The following MYH11 variants were observed in gnomAD, a reference collection of about 807,000 sequenced individuals.
MYH11 encodes the protein myosin-11.
Under a neutral mutation model 246.6 loss-of-function variants are expected in MYH11, and 80 were observed. That is an observed-to-expected ratio of 0.32 (90% CI 0.27 to 0.39). The LOEUF (loss-of-function observed/expected upper bound fraction) is 0.39. Ranked by LOEUF, MYH11 falls within the 10% of genes least tolerant of loss-of-function variation. The pLI is 1.00. For synonymous variants in MYH11, 1,071 were observed against 1,015.5 expected (o/e 1.05, Z -1.04); for missense variants, 2,158 against 2,546.8 (o/e 0.85, Z 3.29).
intron 9 of MYH11, among the ~76,000 whole-genome samples, chr16:15,765,470 T>TGATG (rs1261651285): frequency 1.3e-5 from 2 of 151,546 alleles, no homozygotes; most frequent in East Asian, 3.9e-4. Context: ...GATGGACAGA[T>TGATG]GATGGATGGA....
At position 15,721,588 on chromosome 16, in the gene MYH11, C is replaced by T. The variant is rs2040487068; in HGVS notation, c.4412G>A (p.Arg1471Lys). Reference protein sequence around the residue: ...KNISSKYADERDRAEAEAREK... With the variant: ...KNISSKYADEKDRAEAEAREK... ...CCTGGCTTCTGCCTCAGCTCTGTCC[C>T]TCTCATCCGCGTATTTGGAAGAGAT... is the stretch of plus-strand genomic sequence containing the variant. Residue 1471 changes from arginine (R) to lysine (K), a missense_variant, in exon 32 of 41, where the codon AGG (arginine) becomes AAG (lysine). This residue lies in a region of MYH11 where 1,013 missense variants were observed against 993.5 expected (regional missense o/e 1.02). Coordinates refer to ENST00000300036, the MANE Select transcript of MYH11 (RefSeq NM_002474.3). 3.7e-6 allele frequency: 6 copies of T among 1,614,204 alleles called. No individual in the cohort carries two copies. The highest frequency in any genetic ancestry group is 5.1e-6 in the Non-Finnish European group (6 of 1,180,040).
chr16:15,725,575 T>G (rs1022285412), intron 28 of MYH11: 1 of 406,978 alleles, frequency 2.5e-6, no homozygotes, highest in Non-Finnish European at 4.3e-6. Flanking sequence ...GCTGTTAGCC[T>G]ACCCCTCCAT....
intron 34 of MYH11, 49 bp from the exon 35 acceptor site, chr16:15,719,762 A>C (rs571455140): frequency 3.1e-6 from 5 of 1,612,882 alleles, no homozygotes; most frequent in Middle Eastern, 1.7e-4. Context: ...TACTCCCCCA[A>C]GTTCTGCTGC....
At position 15,747,609 on chromosome 16, in the gene MYH11, A is replaced by G. The variant is rs924500062; in HGVS notation, c.2372T>C (p.Met791Thr). The change falls in exon 19 of 41, where the codon ATG (methionine) becomes ACG (threonine). Residue 791 changes from methionine (M) to threonine (T), a missense_variant. This residue lies in a region of MYH11 where 90 missense variants were observed against 144.2 expected (regional missense o/e 0.62). Coordinates refer to ENST00000300036, the MANE Select transcript of MYH11 (RefSeq NM_002474.3). ...GCCACGACACATCGCCTGGAAGGCC[A>G]TGATGACATCGGTGATCTTCAAATC... is the stretch of plus-strand genomic sequence containing the variant. ...ERDLKITDVI[M>T]AFQAMCRGYL... 6.2e-7 allele frequency: 1 copy of G among 1,614,156 alleles called. No individual in the cohort carries two copies. Among genetic ancestry groups the G allele is most frequent in the Non-Finnish European group, 8.5e-7 (1 of 1,180,016 alleles).
chr16:15,709,016 C>G (rs931389393), intron 40 of MYH11, among the ~76,000 whole-genome samples: 1 of 151,884 alleles, frequency 6.6e-6, no homozygotes, highest in Non-Finnish European at 1.5e-5. Context: ...GATCTTGGCT[C>G]ACTGCAACCT....
intron 22 of MYH11, among the ~76,000 whole-genome samples, chr16:15,740,920 T>C (rs2041255688): frequency 6.6e-6 from 1 of 152,144 alleles, no homozygotes; most frequent in Non-Finnish European, 1.5e-5. Flanking sequence ...TGCTGCCATA[T>C]TGGAAGGACA....
At chr16:15,741,060 C>T in intron 22 of MYH11, 1 of 352,884 alleles carries the variant, frequency 2.8e-6, no homozygotes, top group Non-Finnish European at 5.5e-6. Context: ...GCAGCCTCAG[C>T]CAACACCTTG....
At chr16:15,856,596 A>G (rs2044477378) in intron 1 of MYH11, among the ~76,000 whole-genome samples, 1 of 150,494 alleles carries the variant, frequency 6.6e-6, no homozygotes, top group South Asian at 2.1e-4. Context: ...TTAGCCTCTT[A>G]ACAAGAATCA....
chr16:15,810,610 C>T (rs897166914), intron 3 of MYH11, among the ~76,000 whole-genome samples: 2 of 152,158 alleles, frequency 1.3e-5, no homozygotes, highest in African/African-American at 4.8e-5. Context: ...AAGCATTTGG[C>T]TGTACCCCTT....
In MYH11 at chr16:15,721,642, A is replaced by C; in HGVS notation, c.4366-8T>G. The C allele has an allele frequency of 6.2e-7, 1 of 1,614,052 alleles. No homozygotes were observed. The highest frequency in any genetic ancestry group is 8.5e-7 in the Non-Finnish European group (1 of 1,179,976). On this transcript the variant is annotated splice_region_variant and splice_polypyrimidine_tract_variant and intron_variant, in intron 31 of 40. Coordinates refer to ENST00000300036, the MANE Select transcript of MYH11 (RefSeq NM_002474.3). ...TTTCTCCTCGGCTAACAACTACAAC[A>C]CAAGACCCAGAGGTGACTTCTAGGC...
chr16:15,721,198 A>G, intron 32 of MYH11, 147 bp from the exon 33 acceptor site: 1 of 994,600 alleles, frequency 1.0e-6, no homozygotes, highest in Non-Finnish European at 1.5e-6. Flanking sequence ...ATGACCCCTG[A>G]GAGTTCAGAC....
chr16:15,815,388 G>T (rs1449834745), intron 3 of MYH11, among the ~76,000 whole-genome samples: 2 of 152,030 alleles, frequency 1.3e-5, no homozygotes, highest in Non-Finnish European at 2.9e-5. Flanking sequence ...AAATAAAATA[G>T]AATTTTTGGA....
At chr16:15,731,272 C>T (rs116416556) in intron 27 of MYH11, among the ~76,000 whole-genome samples, 1 of 152,274 alleles carries the variant, frequency 6.6e-6, no homozygotes, top group East Asian at 1.9e-4. Flanking sequence ...GGCCTTCAGT[C>T]CTGTAGAGGC....
intron 4 of MYH11, among the ~76,000 whole-genome samples, chr16:15,787,555 T>C (rs1260132956): frequency 7.0e-6 from 1 of 143,048 alleles, no homozygotes; most frequent in Non-Finnish European, 1.5e-5. Flanking sequence ...CAATTTCAGC[T>C]CACTGCAAGC....
chr16:15,757,733 T>C, intron 13 of MYH11, 94 bp downstream of exon 13: 1 of 1,504,240 alleles, frequency 6.6e-7, no homozygotes, highest in South Asian at 1.2e-5. Flanking sequence ...GAATGCTATG[T>C]GCATGGGGAG....
intron 14 of MYH11, among the ~76,000 whole-genome samples, chr16:15,755,937 G>A (rs2041701202): frequency 6.6e-6 from 1 of 151,818 alleles, no homozygotes; most frequent in Admixed American, 6.6e-5. Context: ...ATCTCAAAAA[G>A]GAAAAAAGAT....
At chr16:15,781,661 AC>A (rs1369495645) in intron 6 of MYH11, among the ~76,000 whole-genome samples, 1 of 152,070 alleles carries the variant, frequency 6.6e-6, no homozygotes, top group Non-Finnish European at 1.5e-5. Flanking sequence ...TCAGGCAAAA[AC>A]TTTTTGCTTT....
intron 2 of MYH11, 85 bp from the exon 3 acceptor site, chr16:15,823,496 G>T: frequency 6.5e-7 from 1 of 1,547,226 alleles, no homozygotes; most frequent in Non-Finnish European, 8.9e-7. Context: ...TCATGTTAGA[G>T]ATGGGGAAAC....
intron 8 of MYH11, 53 bp downstream of exon 8, chr16:15,776,025 G>C: frequency 1.5e-6 from 2 of 1,326,150 alleles, no homozygotes; most frequent in Non-Finnish European, 2.2e-6. Flanking sequence ...CCCGGATTCT[G>C]ATGAAAGGGA....
Sources: allele counts gnomAD v4.1 joint callset (sites outside exome capture counted in the v4.1 genomes callset), GRCh38; gene constraint gnomAD v4.1.1; regional missense constraint gnomAD v4.1.1; transcripts MANE v1.5; gene names NCBI Gene and HGNC (gene_info 2026-07-23, HGNC 2026-07-21).